Variants in SKAP2 observed in about 807,000 individuals in gnomAD.
The protein encoded by SKAP2 is src kinase associated phosphoprotein 2, also known as src kinase-associated phosphoprotein 2.
A neutral mutation model predicts 54.9 loss-of-function variants in SKAP2; 28 were observed. The ratio of observed to expected loss-of-function variants is 0.51; its 90% confidence interval spans 0.38 to 0.70. The LOEUF (loss-of-function observed/expected upper bound fraction) is 0.70, where lower values mean the gene tolerates loss of function less well. SKAP2 is among the 30% of genes least tolerant of loss of function. The probability of loss-of-function intolerance (pLI) is 0.00; values close to 1 mark genes in which losing one functional copy is unlikely to be tolerated. For synonymous variants in SKAP2, 137 were observed against 134.3 expected, an observed-to-expected ratio of 1.02 and a Z score of -0.14; for missense variants, 356 against 424.1, an observed-to-expected ratio of 0.84 and a Z score of 1.41.
intron 4 of SKAP2, among the ~76,000 whole-genome samples, chr7:26,747,595 T>TGAAGACAG (rs1782584384): frequency 6.6e-6 from 1 of 152,200 alleles, no homozygotes; most frequent in African/African-American, 2.4e-5. Context: ...ATAGGTCTAT[T>TGAAGACAG]TAGAACAAAA....
At chr7:26,769,457 C>A (rs545654214) in intron 4 of SKAP2, among the ~76,000 whole-genome samples, 1 of 152,174 alleles carries the variant, frequency 6.6e-6, no homozygotes, top group Non-Finnish European at 1.5e-5. Context: ...CTATTTCTGT[C>A]AATTCATCAA....
At chr7:26,715,781 T>C (rs958064078) in intron 9 of SKAP2, among the ~76,000 whole-genome samples, 5 of 151,812 alleles carry the variant, frequency 3.3e-5, no homozygotes, top group African/African-American at 1.2e-4. Context: ...CTCTGTTCCC[T>C]CCCCCAAAAA....
intron 4 of SKAP2, among the ~76,000 whole-genome samples, chr7:26,788,340 T>G (rs1250637044): frequency 6.6e-6 from 1 of 151,850 alleles, no homozygotes; most frequent in Non-Finnish European, 1.5e-5. Context: ...AGAACCTTTC[T>G]ATCCCTTCAT....
At chr7:26,839,489 G>A (rs548838899) in intron 4 of SKAP2, among the ~76,000 whole-genome samples, 199 of 152,136 alleles carry the variant, frequency 1.3e-3, no homozygotes, top group African/African-American at 4.5e-3. Context: ...AAAAATATGT[G>A]CAAATTGCAA....
intron 6 of SKAP2, among the ~76,000 whole-genome samples, chr7:26,734,698 C>G (rs1305172801): frequency 6.6e-6 from 1 of 152,088 alleles, no homozygotes; most frequent in Non-Finnish European, 1.5e-5. Flanking sequence ...TTGCTGCATC[C>G]CCCAGAAGAG....
intron 4 of SKAP2, among the ~76,000 whole-genome samples, chr7:26,806,985 G>A (rs757010752): frequency 1.3e-5 from 2 of 152,128 alleles, no homozygotes; most frequent in East Asian, 1.9e-4. Flanking sequence ...GGAGAAAGTC[G>A]CTGCAGATAT....
intron 1 of SKAP2, among the ~76,000 whole-genome samples, chr7:26,862,594 AAT>A (rs1329117501): frequency 6.6e-6 from 1 of 152,106 alleles, no homozygotes; most frequent in Non-Finnish European, 1.5e-5. Context: ...AGAAGGCAGA[AAT>A]ATATTGGAAG....
intron 9 of SKAP2, among the ~76,000 whole-genome samples, chr7:26,697,077 G>A (rs1432051369): frequency 6.6e-6 from 1 of 152,106 alleles, no homozygotes; most frequent in Non-Finnish European, 1.5e-5. Context: ...TCTTAGAAGG[G>A]AAAGAAACCT....
chr7:26,674,834 T>C (rs1490576644), intron 11 of SKAP2, among the ~76,000 whole-genome samples: 1 of 152,216 alleles, frequency 6.6e-6, no homozygotes, highest in East Asian at 1.9e-4. Flanking sequence ...TAAGAAATTT[T>C]AGTTTATATC....
At chr7:26,773,555 T>G (rs1181588323) in intron 4 of SKAP2, among the ~76,000 whole-genome samples, 2 of 152,304 alleles carry the variant, frequency 1.3e-5, no homozygotes, top group African/African-American at 4.8e-5. Context: ...ATTTCTCCCT[T>G]TTTCTTCTCC....
intron 10 of SKAP2, 145 bp from the exon 11 acceptor site, chr7:26,684,993 A>G (rs1419907675): frequency 1.7e-6 from 1 of 588,472 alleles, no homozygotes; most frequent in Non-Finnish European, 3.0e-6. Context: ...ATACTTTATT[A>G]CATTCACATG....
chr7:26,681,987 T>C (rs1487366627), intron 11 of SKAP2, among the ~76,000 whole-genome samples: 1 of 152,092 alleles, frequency 6.6e-6, no homozygotes, highest in Non-Finnish European at 1.5e-5. Flanking sequence ...GCACCACTCA[T>C]TCTGAGCCAC....
intron 3 of SKAP2, 69 bp from the exon 4 acceptor site, chr7:26,844,206 T>C (rs931232763): frequency 2.2e-6 from 2 of 896,628 alleles, no homozygotes; most frequent in East Asian, 4.9e-5. Flanking sequence ...TGTTACTTAA[T>C]GTTAATGTTA....
chr7:26,772,980 A>G (rs1783220858), intron 4 of SKAP2, among the ~76,000 whole-genome samples: 1 of 152,242 alleles, frequency 6.6e-6, no homozygotes, highest in Non-Finnish European at 1.5e-5. Context: ...TAGTTTTATT[A>G]GATAAATCCA....
intron 3 of SKAP2, among the ~76,000 whole-genome samples, chr7:26,853,871 A>G (rs1785101828): frequency 6.6e-6 from 1 of 152,128 alleles, no homozygotes; most frequent in Non-Finnish European, 1.5e-5. Context: ...TTTCTGCCAC[A>G]ATGTACTCTA....
At position 26,854,402 on chromosome 7, in the gene SKAP2, G is replaced by C. The variant is rs1283851474; in HGVS notation, c.174-240C>G. ...GATATATCTTTAATACTTATGACAT[G>C]TAAATATATTACATTTATTCATTTA... On this transcript the variant is annotated intron_variant, in intron 2 of 12. Coordinates refer to ENST00000345317, the MANE Select transcript of SKAP2 (RefSeq NM_003930.5). 3.9e-5 allele frequency among the ~76,000 whole-genome samples: 6 copies of C among 152,112 alleles called. No homozygotes were observed. In the South Asian group the frequency reaches 8.3e-4, roughly 21 times the overall value.
intron 10 of SKAP2, among the ~76,000 whole-genome samples, chr7:26,688,443 A>T (rs1011107495): frequency 3.3e-5 from 5 of 152,108 alleles, no homozygotes; most frequent in Non-Finnish European, 7.4e-5. Flanking sequence ...AATATATATA[A>T]CATTCTTGAG....
chr7:26,723,567 G>A (rs1164509134), intron 9 of SKAP2, among the ~76,000 whole-genome samples: 2 of 152,012 alleles, frequency 1.3e-5, no homozygotes, highest in East Asian at 1.9e-4. Flanking sequence ...GGGGGGCAAG[G>A]AAGAATGAAG....
intron 4 of SKAP2, among the ~76,000 whole-genome samples, chr7:26,757,395 G>A (rs1428704131): frequency 6.6e-6 from 1 of 152,036 alleles, no homozygotes; most frequent in Admixed American, 6.6e-5. Flanking sequence ...ACATATGGCT[G>A]GCCAGTTTTC....
Sources: gnomAD v4.1 joint callset for allele counts (sites outside exome capture counted in the v4.1 genomes callset) on GRCh38, gnomAD v4.1.1 for gene constraint, MANE v1.5 for transcripts, NCBI Gene and HGNC (gene_info 2026-07-23, HGNC 2026-07-21) for gene names.